DNAI4: variants seen among roughly 807,000 people sequenced by gnomAD.
DNAI4 encodes the protein WD repeat domain 78.
Under a neutral mutation model 105.8 loss-of-function variants are expected in DNAI4, and 85 were observed. The ratio of observed to expected loss-of-function variants is 0.80; its 90% CI spans 0.67 to 0.96. DNAI4 has a LOEUF of 0.96. DNAI4 is among the 40% of genes least tolerant of loss of function. The probability of loss-of-function intolerance (pLI) is 0.00; values close to 1 mark genes in which losing one functional copy is unlikely to be tolerated. For synonymous variants in DNAI4, 352 were observed against 331.5 expected, an observed-to-expected ratio of 1.06 and a Z score of -0.67; for missense variants, 1,014 against 1,005.6, an observed-to-expected ratio of 1.01 and a Z score of -0.11.
intron 13 of DNAI4, among the ~76,000 whole-genome samples, chr1:66,831,787 A>C (rs1288737041): frequency 1.3e-5 from 2 of 152,200 alleles, no homozygotes; most frequent in African/African-American, 2.4e-5. Flanking sequence ...ATCGTACAAG[A>C]AAGAGAAATA....
intron 6 of DNAI4, among the ~76,000 whole-genome samples, chr1:66,868,031 G>T (rs1423349800): frequency 6.6e-6 from 1 of 152,064 alleles, no homozygotes; most frequent in Non-Finnish European, 1.5e-5. Context: ...TGCATCAACT[G>T]CTCTTTTTGG....
At chr1:66,830,455 C>CAT (rs933608171) in intron 13 of DNAI4, among the ~76,000 whole-genome samples, 12 of 151,442 alleles carry the variant, frequency 7.9e-5, no homozygotes, top group Non-Finnish European at 1.5e-4. Context: ...GCCTGGACAC[C>CAT]ATAGCAAGAC....
intron 9 of DNAI4, 32 bp downstream of exon 9, chr1:66,840,437 A>G: frequency 6.3e-7 from 1 of 1,582,224 alleles, no homozygotes; most frequent in Non-Finnish European, 8.7e-7. Flanking sequence ...TCAATGCTAG[A>G]AACAGAATTG....
At chr1:66,821,634 A>G (rs1645629154) in intron 16 of DNAI4, among the ~76,000 whole-genome samples, 1 of 152,132 alleles carries the variant, frequency 6.6e-6, no homozygotes, top group African/African-American at 2.4e-5. Context: ...ATTTTAAAAC[A>G]TATTTACTAG....
At chr1:66,828,908 A>G (rs1645809522) in intron 13 of DNAI4, among the ~76,000 whole-genome samples, 1 of 152,162 alleles carries the variant, frequency 6.6e-6, no homozygotes, top group Non-Finnish European at 1.5e-5. Context: ...TTATTCTAAC[A>G]CCATTTATAA....
rs1195375581 is a variant in DNAI4, at chr1:66,813,801, C to T, written c.*329G>A. On this transcript the variant is annotated 3_prime_UTR_variant, in exon 17 of 17. Coordinates refer to ENST00000371026, the MANE Select transcript of DNAI4 (RefSeq NM_024763.5). ...AGTGATTCTATTAATTTCCAAGTTT[C>T]GCTTCTATAGGTATAATAATTTTCT... 19 of 178,534 alleles carry T rather than the reference C, an allele frequency of 1.1e-4. No individual in the cohort carries two copies. In the East Asian group the frequency reaches 2.2e-3, roughly 21 times the overall value. The allele number at this position is 178,534 out of a possible 1,614,324, so 11.1% of individuals were successfully genotyped here. A position where few individuals can be genotyped will look rare whatever the true frequency, so the allele number is the denominator to read the frequency against.
Position 66,816,727 on chromosome 1 carries a change from T to TCACACA in DNAI4, c.2497-2553_2497-2548dup, listed in dbSNP as rs57920483. On this transcript the variant is annotated intron_variant, in intron 16 of 16. Transcript: ENST00000371026. ...AAAATTATTCTTACCAGCCTTGAAA[T>TCACACA]CACACACACACACACACACACACAC... is the stretch of plus-strand genomic sequence containing the variant. Among the ~76,000 whole-genome samples, 87 of 137,760 alleles carry TCACACA rather than the reference T, an allele frequency of 6.3e-4. 1 individual carries two copies. The highest frequency in any genetic ancestry group is 4.0e-3 in the Admixed American group (54 of 13,502). The allele number at this position is 137,760 out of a possible 152,430, so 90.4% of individuals were successfully genotyped here.
At chr1:66,882,169 T>G (rs1647087256) in intron 4 of DNAI4, among the ~76,000 whole-genome samples, 1 of 151,972 alleles carries the variant, frequency 6.6e-6, no homozygotes, top group Non-Finnish European at 1.5e-5. Flanking sequence ...TACAGTTGGG[T>G]TTTTTTTACT....
At chr1:66,889,290 T>C (rs1439954993) in intron 4 of DNAI4, among the ~76,000 whole-genome samples, 1 of 152,222 alleles carries the variant, frequency 6.6e-6, no homozygotes, top group Admixed American at 6.5e-5. Flanking sequence ...GGAAATTTTT[T>C]ACCTTCCTGA....
chr1:66,836,254 G>GAGAGAGAA (rs1646007710), intron 10 of DNAI4, among the ~76,000 whole-genome samples: 1 of 99,008 alleles, frequency 1.0e-5, no homozygotes, highest in African/African-American at 4.1e-5. Context: ...AAGAGAGAGA[G>GAGAGAGAA]AGAAAGAAAG....
At chr1:66,836,689 T>C (rs1006790643) in intron 10 of DNAI4, among the ~76,000 whole-genome samples, 2 of 152,220 alleles carry the variant, frequency 1.3e-5, no homozygotes, top group Admixed American at 1.3e-4. Context: ...CCCTCCACAT[T>C]TAAAATTGCT....
At chr1:66,821,999 T>A (rs375612577) in intron 16 of DNAI4, among the ~76,000 whole-genome samples, 1 of 152,168 alleles carries the variant, frequency 6.6e-6, no homozygotes, top group Admixed American at 6.5e-5. Context: ...TATCTAAAAA[T>A]AGAATTATTT....
intron 1 of DNAI4, among the ~76,000 whole-genome samples, chr1:66,912,922 T>A (rs1649767633): frequency 6.6e-6 from 1 of 152,148 alleles, no homozygotes; most frequent in Admixed American, 6.5e-5. Flanking sequence ...GAATCCCTGA[T>A]CTCCCAAAAT....
At chr1:66,872,354 G>A (rs1466066745) in intron 5 of DNAI4, among the ~76,000 whole-genome samples, 6 of 151,880 alleles carry the variant, frequency 4.0e-5, no homozygotes, top group Non-Finnish European at 7.4e-5. Context: ...TCGGCCTCCC[G>A]AGAAGCTGGT....
intron 2 of DNAI4, among the ~76,000 whole-genome samples, chr1:66,899,194 A>C (rs1380220643): frequency 6.6e-6 from 1 of 152,222 alleles, no homozygotes; most frequent in Non-Finnish European, 1.5e-5. Context: ...ACTATTTTAC[A>C]AAGTGGCTAA....
chr1:66,838,820 G>A (rs1269264214), intron 9 of DNAI4, among the ~76,000 whole-genome samples: 1 of 152,076 alleles, frequency 6.6e-6, no homozygotes, highest in Admixed American at 6.6e-5. Context: ...ACATTCAAGA[G>A]CTTCTTGTAT....
At chr1:66,854,899 T>C (rs746026731) in intron 7 of DNAI4, among the ~76,000 whole-genome samples, 13 of 152,200 alleles carry the variant, frequency 8.5e-5, no homozygotes, top group Non-Finnish European at 1.3e-4. Flanking sequence ...TGTTCACAGA[T>C]TGAAAGACTT....
chr1:66,871,234 G>A, intron 6 of DNAI4, 136 bp downstream of exon 6: 1 of 627,038 alleles, frequency 1.6e-6, no homozygotes, highest in South Asian at 2.7e-5. Context: ...AGAACACAGT[G>A]TCCAACTACT....
chr1:66,903,697 T>C (rs1298085514), intron 2 of DNAI4, among the ~76,000 whole-genome samples: 3 of 152,064 alleles, frequency 2.0e-5, no homozygotes, highest in African/African-American at 4.8e-5. Context: ...GGTTTCACCA[T>C]TTGGCCAGGC....
Sources: gnomAD v4.1 joint callset for allele counts (sites outside exome capture counted in the v4.1 genomes callset) on GRCh38, gnomAD v4.1.1 for gene constraint, MANE v1.5 for transcripts, NCBI Gene and HGNC (gene_info 2026-07-23, HGNC 2026-07-21) for gene names.